Variants in CTNND2 observed in about 807,000 individuals in gnomAD.
The protein encoded by CTNND2 is catenin delta 2.
Under a neutral mutation model 144.4 loss-of-function variants are expected in CTNND2, and 22 were observed. The observed-to-expected ratio is 0.15, with a 90% confidence interval of 0.11 to 0.22. The LOEUF is 0.22. CTNND2 is among the 10% of genes least tolerant of loss of function. The pLI is 1.00. For missense variants in CTNND2, 1,353 were observed against 1,618.8 expected (o/e 0.84, Z 2.82); for synonymous variants, 751 against 695.6 (o/e 1.08, Z -1.25).
intron 2 of CTNND2, among the ~76,000 whole-genome samples, chr5:11,565,795 T>G (rs1340404089): frequency 6.6e-6 from 1 of 152,232 alleles, no homozygotes; most frequent in Non-Finnish European, 1.5e-5. Flanking sequence ...AACAGGATTT[T>G]GTACCATATT....
At chr5:11,764,663 G>C (rs1472326467) in intron 1 of CTNND2, among the ~76,000 whole-genome samples, 1 of 152,088 alleles carries the variant, frequency 6.6e-6, no homozygotes, top group Non-Finnish European at 1.5e-5. Context: ...CAAATCAGTG[G>C]TTTCTTCAAC....
At position 11,393,947 on chromosome 5, in the gene CTNND2, C is replaced by T. The variant is rs187003643; in HGVS notation, c.612+3084G>A. On this transcript the variant is annotated intron_variant, in intron 6 of 21. Transcript: ENST00000304623. The stretch of plus-strand genomic sequence containing the variant: ...AGTGGTTTCCCATCACCTCACAACT[C>T]CTGCAGTCCACTGTAGCCACTCTGG... 7.9e-5 allele frequency among the ~76,000 whole-genome samples: 12 copies of T among 152,224 alleles called. No homozygotes were observed. The East Asian group carries it at 2.3e-3, about 30-fold the overall frequency.
intron 9 of CTNND2, among the ~76,000 whole-genome samples, chr5:11,275,518 C>G (rs541814876): frequency 1.3e-5 from 2 of 152,322 alleles, no homozygotes; most frequent in East Asian, 1.9e-4. Flanking sequence ...GCTTCTTAGT[C>G]TCTTCCACAA....
intron 2 of CTNND2, among the ~76,000 whole-genome samples, chr5:11,622,354 G>A (rs534751065): frequency 4.6e-5 from 7 of 152,086 alleles, no homozygotes; most frequent in Non-Finnish European, 1.0e-4. Flanking sequence ...CCTTGATTGA[G>A]GGTAAGAAAC....
chr5:11,190,498 C>G (rs1054700876), intron 11 of CTNND2, among the ~76,000 whole-genome samples: 12 of 152,226 alleles, frequency 7.9e-5, no homozygotes, highest in African/African-American at 2.7e-4. Context: ...TCTGTGTGAG[C>G]AAACCAATGT....
intron 3 of CTNND2, among the ~76,000 whole-genome samples, chr5:11,414,803 A>G (rs1761803583): frequency 1.3e-5 from 2 of 152,228 alleles, no homozygotes; most frequent in South Asian, 2.1e-4. Flanking sequence ...TCTTTGTGTC[A>G]TAAGTTCTCA....
intron 2 of CTNND2, among the ~76,000 whole-genome samples, chr5:11,611,793 A>G (rs1780341026): frequency 6.6e-6 from 1 of 152,190 alleles, no homozygotes; most frequent in Admixed American, 6.5e-5. Flanking sequence ...CAAAAAAATA[A>G]AAGTTTTTTC....
At chr5:11,365,927 G>C (rs542527930) in intron 7 of CTNND2, among the ~76,000 whole-genome samples, 1 of 152,168 alleles carries the variant, frequency 6.6e-6, no homozygotes, top group Non-Finnish European at 1.5e-5. Context: ...AACCAAAGGA[G>C]ACAATGGCTG....
At chr5:11,213,126 A>G (rs1294463240) in intron 10 of CTNND2, among the ~76,000 whole-genome samples, 1 of 152,138 alleles carries the variant, frequency 6.6e-6, no homozygotes, top group African/African-American at 2.4e-5. Flanking sequence ...ACATCTCTCA[A>G]CCATTTTTGT....
At chr5:11,817,991 T>TG (rs1232710665) in intron 1 of CTNND2, among the ~76,000 whole-genome samples, 72 of 61,470 alleles carry the variant, frequency 1.2e-3, no homozygotes, top group Middle Eastern at 0.016. Flanking sequence ...GTTTTTTTTT[T>TG]TTTTTTTTTT....
rs1382159826 is a variant in CTNND2 at position 11,662,910 on chromosome 5, G to A, written c.174+69226C>T. The stretch of plus-strand genomic sequence containing the variant: ...TTTCTGGTCTACATGAAAGCTGCCA[G>A]TAAACAAATAAAGTGGATAAAATAT... On this transcript the variant is annotated intron_variant, in intron 2 of 21. Transcript: ENST00000304623. Among the ~76,000 whole-genome samples the A allele has an allele frequency of 2.0e-5, 3 of 152,268 alleles. No homozygotes were observed. The East Asian group carries it at 5.8e-4, about 29-fold the overall frequency.
chr5:11,489,989 C>T (rs1035171121), intron 3 of CTNND2, among the ~76,000 whole-genome samples: 3 of 152,150 alleles, frequency 2.0e-5, no homozygotes, highest in Admixed American at 2.0e-4. Flanking sequence ...AGCCCAGTAC[C>T]ACTCCTGGCC....
chr5:11,895,020 G>A (rs969421670), intron 1 of CTNND2, among the ~76,000 whole-genome samples: 2 of 152,164 alleles, frequency 1.3e-5, no homozygotes, highest in African/African-American at 4.8e-5. Context: ...CAGAGAGAAG[G>A]AGTGTGTGCC....
At chr5:10,985,642 T>C (rs1487817908) in intron 20 of CTNND2, among the ~76,000 whole-genome samples, 1 of 152,190 alleles carries the variant, frequency 6.6e-6, no homozygotes, top group Non-Finnish European at 1.5e-5. Flanking sequence ...AAGATGGCAG[T>C]TTTTCAGGTT....
intron 3 of CTNND2, among the ~76,000 whole-genome samples, chr5:11,455,232 A>G (rs1765632642): frequency 6.6e-6 from 1 of 152,102 alleles, no homozygotes; most frequent in Admixed American, 6.5e-5. Context: ...AAGCTACTTT[A>G]TTCAGATGGA....
intron 6 of CTNND2, among the ~76,000 whole-genome samples, chr5:11,388,238 T>G: frequency 6.6e-6 from 1 of 152,238 alleles, no homozygotes; most frequent in Non-Finnish European, 1.5e-5. Context: ...TGAATCCATT[T>G]GCATAAGAAG....
intron 3 of CTNND2, among the ~76,000 whole-genome samples, chr5:11,509,267 C>A (rs886627277): frequency 6.6e-6 from 1 of 152,096 alleles, no homozygotes; most frequent in African/African-American, 2.4e-5. Context: ...CTAAAGGGAA[C>A]AATTCTCTGT....
chr5:11,592,866 A>G (rs1019253946), intron 2 of CTNND2, among the ~76,000 whole-genome samples: 2 of 151,340 alleles, frequency 1.3e-5, no homozygotes, highest in Non-Finnish European at 2.9e-5. Flanking sequence ...ATGGTGGACT[A>G]GAAAACTGCA....
chr5:11,014,217 C>T (rs1055876064), intron 18 of CTNND2, among the ~76,000 whole-genome samples: 2 of 152,172 alleles, frequency 1.3e-5, no homozygotes, highest in Non-Finnish European at 2.9e-5. Context: ...ACCTCCCCCT[C>T]ACCCATCTTC....
Sources: allele counts gnomAD v4.1 joint callset (sites outside exome capture counted in the v4.1 genomes callset), GRCh38; gene constraint gnomAD v4.1.1; transcripts MANE v1.5; gene names NCBI Gene and HGNC (gene_info 2026-07-23, HGNC 2026-07-21).